RCAN2: variants seen among roughly 807,000 people sequenced by gnomAD.
The protein encoded by RCAN2 is regulator of calcineurin 2.
A neutral mutation model predicts 23.6 loss-of-function variants in RCAN2; 9 were observed. The ratio of observed to expected loss-of-function variants is 0.38; its 90% CI spans 0.23 to 0.67. RCAN2 has a LOEUF of 0.67. RCAN2 is among the 30% of genes least tolerant of loss of function. RCAN2 has a pLI of 0.51. For missense variants in RCAN2, 273 were observed against 302.3 expected (o/e 0.90, Z 0.72); for synonymous variants, 109 against 115.7 (o/e 0.94, Z 0.37).
At chr6:46,235,070 C>T (rs2150310511) in intron 4 of RCAN2, among the ~76,000 whole-genome samples, 1 of 152,276 alleles carries the variant, frequency 6.6e-6, no homozygotes, top group Middle Eastern at 3.4e-3. Flanking sequence ...GGCTTACGGG[C>T]CATGACTTGG....
intron 2 of RCAN2, among the ~76,000 whole-genome samples, chr6:46,341,514 A>T (rs937584002): frequency 1.3e-5 from 2 of 152,170 alleles, no homozygotes; most frequent in East Asian, 3.9e-4. Context: ...AAAGAAAGGC[A>T]CTGGCCGGGG....
intron 2 of RCAN2, among the ~76,000 whole-genome samples, chr6:46,392,882 A>G (rs1765976049): frequency 6.6e-6 from 1 of 152,210 alleles, no homozygotes; most frequent in Non-Finnish European, 1.5e-5. Flanking sequence ...TCATAGACCA[A>G]TATAAATTTT....
At chr6:46,259,648 G>T (rs1256217109) in intron 2 of RCAN2, among the ~76,000 whole-genome samples, 2 of 152,116 alleles carry the variant, frequency 1.3e-5, no homozygotes. Context: ...ACTCAATTCT[G>T]ACTCTATCTG....
intron 2 of RCAN2, among the ~76,000 whole-genome samples, chr6:46,333,399 T>TATACG (rs1440840261): frequency 6.6e-6 from 1 of 152,258 alleles, no homozygotes; most frequent in Non-Finnish European, 1.5e-5. Flanking sequence ...TATTCAACTA[T>TATACG]TTGGATTTAC....
intron 2 of RCAN2, among the ~76,000 whole-genome samples, chr6:46,364,045 C>T (rs1438595444): frequency 6.6e-6 from 1 of 152,120 alleles, no homozygotes; most frequent in African/African-American, 2.4e-5. Flanking sequence ...GATGAAAAAC[C>T]TAGAGACCCT....
chr6:46,284,638 G>A (rs1013322072), intron 2 of RCAN2, among the ~76,000 whole-genome samples: 2 of 152,264 alleles, frequency 1.3e-5, no homozygotes, highest in African/African-American at 2.4e-5. Flanking sequence ...TTTCTGCTGA[G>A]GGGGGAGCCT....
chr6:46,241,111 C>T (rs1444766089), intron 4 of RCAN2, among the ~76,000 whole-genome samples: 15 of 152,180 alleles, frequency 9.9e-5, no homozygotes, highest in Admixed American at 9.2e-4. Context: ...CATTTTGCTT[C>T]CCACCTCTGA....
chr6:46,378,782 A>T (rs1463600171), intron 2 of RCAN2, among the ~76,000 whole-genome samples: 1 of 152,200 alleles, frequency 6.6e-6, no homozygotes, highest in East Asian at 1.9e-4. Flanking sequence ...CTCATTAAAG[A>T]CACTAAACCC....
At chr6:46,471,474 T>C (rs879498500) in intron 1 of RCAN2, among the ~76,000 whole-genome samples, 8 of 152,134 alleles carry the variant, frequency 5.3e-5, no homozygotes, top group South Asian at 2.1e-4. Context: ...TAGGAGAAGA[T>C]TGAAGAGTAA....
At chr6:46,309,692 TG>T (rs1763191830) in intron 2 of RCAN2, among the ~76,000 whole-genome samples, 1 of 152,198 alleles carries the variant, frequency 6.6e-6, no homozygotes, top group African/African-American at 2.4e-5. Context: ...GCTTGCTCTA[TG>T]AAAAGGACAG....
intron 2 of RCAN2, among the ~76,000 whole-genome samples, chr6:46,303,813 A>G (rs1399957873): frequency 1.3e-5 from 2 of 152,106 alleles, no homozygotes; most frequent in Admixed American, 6.6e-5. Flanking sequence ...AGAGTCATCC[A>G]TCCCATTGAT....
At chr6:46,238,169 AGT>A (rs370298438) in intron 4 of RCAN2, among the ~76,000 whole-genome samples, 1 of 152,120 alleles carries the variant, frequency 6.6e-6, no homozygotes, top group Non-Finnish European at 1.5e-5. Flanking sequence ...AAGGAAAAAA[AGT>A]GTGTGTGTGT....
At chr6:46,490,884 G>A (rs971730622) in intron 1 of RCAN2, among the ~76,000 whole-genome samples, 10 of 152,122 alleles carry the variant, frequency 6.6e-5, no homozygotes, top group African/African-American at 2.2e-4. Flanking sequence ...CACGGGCAGT[G>A]GGGAAGGGGC....
intron 2 of RCAN2, among the ~76,000 whole-genome samples, chr6:46,430,136 T>C (rs1373438944): frequency 6.6e-6 from 1 of 152,136 alleles, no homozygotes; most frequent in African/African-American, 2.4e-5. Flanking sequence ...CAAAGTGAAA[T>C]GCATTGAAGA....
At position 46,330,102 on chromosome 6, in the gene RCAN2, C is replaced by G. The variant is rs116228664; in HGVS notation, c.226-81206G>C. On this transcript the variant is annotated intron_variant, in intron 2 of 4. Coordinates refer to ENST00000371374, the MANE Select transcript of RCAN2 (RefSeq NM_001251974.2). ...AATTTCAAATATATTCAGCAGAAGA[C>G]AGAATATAATAATGAGCCTTCATGT... Among the ~76,000 whole-genome samples the G allele has an allele frequency of 1.0e-2, 1,517 of 152,260 alleles. 24 individuals carry two copies. The highest frequency in any genetic ancestry group is 0.035 in the African/African-American group (1,439 of 41,538).
In RCAN2 at chr6:46,247,580, C is replaced by T. The variant is rs149874045; in HGVS notation, c.400-661G>A. Among the ~76,000 whole-genome samples, 8 of 152,322 alleles carry T rather than the reference C, an allele frequency of 5.3e-5. No individual in the cohort carries two copies. In the East Asian group the frequency reaches 1.4e-3, roughly 26 times the overall value. ...ACAGATTTACCTGTTCTTGATATGT[C>T]CTATAAGTAGAATCACAGAATATGT... is the stretch of plus-strand genomic sequence containing the variant. On this transcript the variant is annotated intron_variant, in intron 3 of 4. Transcript: ENST00000371374.
chr6:46,292,792 ATACATGTGCCATGGTGGTTTGCTGCAC>A (rs1274145827), intron 2 of RCAN2, among the ~76,000 whole-genome samples: 3 of 152,152 alleles, frequency 2.0e-5, no homozygotes, highest in African/African-American at 7.2e-5. Context: ...TTACATAGGT[ATACATGTGCCATGGTGGTTTGCTGCAC>A]ACATCAACCC....
intron 2 of RCAN2, among the ~76,000 whole-genome samples, chr6:46,428,199 C>A (rs561456366): frequency 2.0e-5 from 3 of 152,264 alleles, no homozygotes; most frequent in African/African-American, 7.2e-5. Context: ...GGCTCTTTTG[C>A]ATCTAAGGGT....
At chr6:46,355,208 A>G (rs908390838) in intron 2 of RCAN2, among the ~76,000 whole-genome samples, 1 of 152,198 alleles carries the variant, frequency 6.6e-6, no homozygotes, top group Non-Finnish European at 1.5e-5. Context: ...ACTTCTTATA[A>G]TGAAAAGGGC....
Sources: allele counts gnomAD v4.1 joint callset (sites outside exome capture counted in the v4.1 genomes callset), GRCh38; gene constraint gnomAD v4.1.1; transcripts MANE v1.5; gene names NCBI Gene and HGNC (gene_info 2026-07-23, HGNC 2026-07-21).